Variants in GIGYF2 observed in about 807,000 individuals in gnomAD.
GIGYF2 encodes the protein GRB10-interacting GYF protein 2.
In GIGYF2, 25 loss-of-function variants were observed where a neutral mutation model predicts 208.1. The ratio of observed to expected loss-of-function variants is 0.12; its 90% confidence interval spans 0.09 to 0.17. The LOEUF (loss-of-function observed/expected upper bound fraction) is 0.17, where lower values mean the gene tolerates loss of function less well. Ranked by LOEUF, GIGYF2 falls within the 10% of genes least tolerant of loss-of-function variation. The pLI, the probability that GIGYF2 is intolerant of heterozygous loss-of-function variation, is 1.00. For synonymous variants in GIGYF2, 534 were observed against 543.8 expected (o/e 0.98, Z 0.25); for missense variants, 1,302 against 1,579.4 (o/e 0.82, Z 2.98).
chr2:232,802,733 A>G (rs960805063), intron 14 of GIGYF2, among the ~76,000 whole-genome samples: 25 of 152,256 alleles, frequency 1.6e-4, no homozygotes, highest in African/African-American at 5.5e-4. Flanking sequence ...CTTTGATACC[A>G]GGGTAATTTT....
chr2:232,712,596 A>G (rs908356955), intron 2 of GIGYF2, among the ~76,000 whole-genome samples: 1 of 152,222 alleles, frequency 6.6e-6, no homozygotes. Flanking sequence ...GTGTCAACAC[A>G]TTGAAAAATG....
chr2:232,702,464 G>A (rs1470457590), intron 1 of GIGYF2, among the ~76,000 whole-genome samples: 1 of 151,622 alleles, frequency 6.6e-6, no homozygotes, highest in Admixed American at 6.6e-5. Context: ...AACTCTATCT[G>A]TCTCTATCTA....
chr2:232,752,491 C>T (rs1215512434), intron 5 of GIGYF2, among the ~76,000 whole-genome samples: 1 of 152,154 alleles, frequency 6.6e-6, no homozygotes, highest in Non-Finnish European at 1.5e-5. Flanking sequence ...ATTTAGGTAG[C>T]TGTTACAAGA....
At chr2:232,743,352 G>A (rs190507605) in intron 3 of GIGYF2, among the ~76,000 whole-genome samples, 18 of 152,276 alleles carry the variant, frequency 1.2e-4, no homozygotes, top group African/African-American at 3.8e-4. Context: ...AGAGACAGAC[G>A]AAAGCACATA....
At chr2:232,846,396 C>T (rs986904929) in intron 26 of GIGYF2, among the ~76,000 whole-genome samples, 2 of 152,186 alleles carry the variant, frequency 1.3e-5, no homozygotes, top group Non-Finnish European at 2.9e-5. Flanking sequence ...TAGAGAAAAA[C>T]TTGCTCATGG....
At chr2:232,756,620 C>G (rs544952232) in intron 6 of GIGYF2, among the ~76,000 whole-genome samples, 1 of 152,240 alleles carries the variant, frequency 6.6e-6, no homozygotes, top group East Asian at 1.9e-4. Flanking sequence ...CCCTGGAGAG[C>G]CTTACACTCT....
chr2:232,753,366 C>T (rs946372089), intron 5 of GIGYF2, among the ~76,000 whole-genome samples: 2 of 151,812 alleles, frequency 1.3e-5, no homozygotes, highest in Non-Finnish European at 1.5e-5. Context: ...TCAAGTGATC[C>T]GCCTGCCTTG....
At chr2:232,782,548 A>T (rs1299989239) in intron 8 of GIGYF2, 1 of 152,226 alleles carries the variant, frequency 6.6e-6, no homozygotes, top group Non-Finnish European at 1.5e-5. Context: ...AAAACAACCT[A>T]AATGTTTCTA....
chr2:232,827,456 A>G (rs1701285762), intron 21 of GIGYF2, among the ~76,000 whole-genome samples: 1 of 152,136 alleles, frequency 6.6e-6, no homozygotes, highest in Non-Finnish European at 1.5e-5. Context: ...GTTTCTTTGA[A>G]TTATGTGGCT....
At chr2:232,757,945 A>G (rs879907747) in intron 6 of GIGYF2, among the ~76,000 whole-genome samples, 8 of 152,174 alleles carry the variant, frequency 5.3e-5, no homozygotes, top group Admixed American at 3.9e-4. Context: ...AAAAAGATAG[A>G]TGTGACATAT....
At chr2:232,839,771 T>TATA in intron 22 of GIGYF2, 78 bp from the exon 23 acceptor site, 2 of 1,368,628 alleles carry the variant, frequency 1.5e-6, no homozygotes, top group Non-Finnish European at 2.1e-6. Flanking sequence ...TTGTTCTGGG[T>TATA]ATACATAATG....
intron 2 of GIGYF2, among the ~76,000 whole-genome samples, chr2:232,730,748 AT>A (rs1285254846): frequency 1.0e-4 from 15 of 148,942 alleles, no homozygotes; most frequent in South Asian, 6.4e-4. Context: ...AATACAAAAA[AT>A]TAGCCGGGCG....
intron 9 of GIGYF2, among the ~76,000 whole-genome samples, chr2:232,788,993 G>C (rs1403908486): frequency 6.6e-6 from 1 of 152,106 alleles, no homozygotes; most frequent in Non-Finnish European, 1.5e-5. Flanking sequence ...CCTGATTATA[G>C]CAGTTTTCAT....
At chr2:232,811,162 A>G in intron 16 of GIGYF2, 82 bp from the exon 17 acceptor site, 1 of 768,538 alleles carries the variant, frequency 1.3e-6, no homozygotes, top group Non-Finnish European at 2.3e-6. Flanking sequence ...GGGGCTTTGA[A>G]TTGAACTTTG....
At chr2:232,805,525 C>T (rs1242806206) in intron 14 of GIGYF2, among the ~76,000 whole-genome samples, 1 of 152,138 alleles carries the variant, frequency 6.6e-6, no homozygotes, top group Non-Finnish European at 1.5e-5. Flanking sequence ...TTAATATTTG[C>T]ATGATATATC....
intron 8 of GIGYF2, among the ~76,000 whole-genome samples, chr2:232,769,903 C>T (rs1055831019): frequency 6.6e-6 from 1 of 152,148 alleles, no homozygotes; most frequent in Admixed American, 6.5e-5. Flanking sequence ...CTGTGATTTT[C>T]AAGTATTCTG....
At chr2:232,706,960 A>G (rs1696145145) in intron 2 of GIGYF2, among the ~76,000 whole-genome samples, 1 of 151,710 alleles carries the variant, frequency 6.6e-6, no homozygotes, top group Non-Finnish European at 1.5e-5. Flanking sequence ...AAAAAAAAAA[A>G]AAAAAATTTT....
chr2:232,809,781 A>C lies in GIGYF2; in HGVS notation c.1868A>C (p.Gln623Pro). ...QQELTALYQM[Q>P]HLQYQQFLIQ... ...GAACTCACAGCCTTATACCAGATGC[A>C]GCACCTGCAGTACCAGCAGTTTTTA... Residue 623 changes from glutamine to proline, a missense_variant, in exon 16 of 29, where the codon CAG (glutamine) becomes CCG (proline). By Grantham distance (76) the Gln-to-Pro change is moderately conservative. Coordinates refer to ENST00000373563, the MANE Select transcript of GIGYF2 (RefSeq NM_001103146.3). The C allele has an allele frequency of 1.2e-6, 2 of 1,606,154 alleles. No homozygotes were observed. The highest frequency in any genetic ancestry group is 1.7e-6 in the Non-Finnish European group (2 of 1,172,662).
intron 2 of GIGYF2, among the ~76,000 whole-genome samples, chr2:232,728,149 A>G (rs1407757069): frequency 1.3e-5 from 2 of 152,114 alleles, no homozygotes; most frequent in Non-Finnish European, 2.9e-5. Context: ...GGGGAAGGGT[A>G]TGTCATAGCA....
Sources: gnomAD v4.1 joint callset for allele counts (sites outside exome capture counted in the v4.1 genomes callset) on GRCh38, gnomAD v4.1.1 for gene constraint, MANE v1.5 for transcripts, NCBI Gene and HGNC (gene_info 2026-07-23, HGNC 2026-07-21) for gene names.